CSMD1: variants seen among roughly 807,000 people sequenced by gnomAD.
CSMD1 encodes CUB and sushi domain-containing protein 1.
A neutral mutation model predicts 417.5 loss-of-function variants in CSMD1; 213 were observed. The observed-to-expected ratio is 0.51, with a 90% CI of 0.46 to 0.57. The LOEUF is 0.57. Among genes scored for constraint, CSMD1 ranks in the 20% least tolerant of loss-of-function variants. The pLI is 0.00. For synonymous variants in CSMD1, 2,862 were observed against 1,736.8 expected (o/e 1.65, Z -16.11); for missense variants, 6,923 against 4,529.7 (o/e 1.53, Z -15.17).
chr8:3,264,919 A>G (rs1038040916), intron 26 of CSMD1, among the ~76,000 whole-genome samples: 4 of 152,118 alleles, frequency 2.6e-5, no homozygotes, highest in African/African-American at 9.7e-5. Context: ...CAGAATTGCT[A>G]ACATCGGTAT....
intron 3 of CSMD1, among the ~76,000 whole-genome samples, chr8:4,409,834 G>T (rs547793226): frequency 6.6e-6 from 1 of 152,152 alleles, no homozygotes; most frequent in African/African-American, 2.4e-5. Flanking sequence ...TTGTCTTTGA[G>T]ACAGAGTCTC....
intron 7 of CSMD1, among the ~76,000 whole-genome samples, chr8:3,644,343 G>C (rs1797466386): frequency 1.3e-5 from 2 of 152,184 alleles, no homozygotes; most frequent in African/African-American, 4.8e-5. Context: ...AAATGGCCTT[G>C]TGTCATGTCT....
Position 3,387,562 on chromosome 8 carries a change from A to G in CSMD1, c.2714T>C (p.Leu905Pro), listed in dbSNP as rs1369559584. The change falls in exon 18 of 70, where the codon CTA becomes CCA. Residue 905 changes from leucine (L) to proline (P), a missense_variant. Coordinates refer to ENST00000635120, the MANE Select transcript of CSMD1 (RefSeq NM_033225.6). ...VTFSCDPGYTLSDDEPLVCER... is the reference protein window; with the variant it reads ...VTFSCDPGYTPSDDEPLVCER... ...ACAGACGAGGGGCTCGTCGTCACTT[A>G]GTGTGTACCCCGGGTCACAGCTGAA... 1 of 1,602,416 alleles carries G rather than the reference A, an allele frequency of 6.2e-7. No individual in the cohort carries two copies. The highest frequency in any genetic ancestry group is 8.5e-7 in the Non-Finnish European group (1 of 1,174,474).
chr8:4,252,162 A>C (rs369834999), intron 3 of CSMD1, among the ~76,000 whole-genome samples: 1 of 152,158 alleles, frequency 6.6e-6, no homozygotes, highest in South Asian at 2.1e-4. Flanking sequence ...TTCAGGATAT[A>C]TAGAAAGCTG....
rs1254278472 is a variant in CSMD1, at chr8:3,251,284, C to G, written c.4154-21053G>C. Among the ~76,000 whole-genome samples, 4 of 152,174 alleles carry G rather than the reference C, an allele frequency of 2.6e-5. No individual in the cohort carries two copies. The East Asian group carries it at 7.7e-4, about 29-fold the overall frequency. On this transcript the variant is annotated intron_variant, in intron 26 of 69. Coordinates refer to ENST00000635120, the MANE Select transcript of CSMD1 (RefSeq NM_033225.6). ...TCCAGTTTCAGCTTTCTACATATGGCTAGCCAGTTTTCCCAGCACCATTTA... is the reference window on the plus strand; with the variant it reads ...TCCAGTTTCAGCTTTCTACATATGGGTAGCCAGTTTTCCCAGCACCATTTA...
At chr8:4,960,323 A>C (rs1809393754) in intron 1 of CSMD1, among the ~76,000 whole-genome samples, 1 of 152,204 alleles carries the variant, frequency 6.6e-6, no homozygotes, top group South Asian at 2.1e-4. Flanking sequence ...AAGTGTGTTT[A>C]ATGTTCTGAC....
At chr8:3,473,010 C>T (rs543891389) in intron 11 of CSMD1, among the ~76,000 whole-genome samples, 3 of 152,104 alleles carry the variant, frequency 2.0e-5, no homozygotes, top group African/African-American at 7.2e-5. Context: ...GCTCCTAACT[C>T]TGTCTCCTGG....
chr8:3,419,663 A>G (rs888844293), intron 12 of CSMD1, among the ~76,000 whole-genome samples: 2 of 152,220 alleles, frequency 1.3e-5, no homozygotes, highest in Admixed American at 1.3e-4. Flanking sequence ...TAGGAAAAAA[A>G]AAGTGGAGAA....
intron 7 of CSMD1, among the ~76,000 whole-genome samples, chr8:3,640,151 G>C (rs187165991): frequency 1.3e-5 from 2 of 152,104 alleles, no homozygotes; most frequent in Non-Finnish European, 2.9e-5. Context: ...GTAAGACTTC[G>C]CTCTGAGAAA....
intron 2 of CSMD1, among the ~76,000 whole-genome samples, chr8:4,529,406 G>T (rs545861983): frequency 3.3e-5 from 5 of 151,844 alleles, no homozygotes; most frequent in Non-Finnish European, 2.9e-5. Context: ...TGGCTAAATT[G>T]TTTTCTTCTG....
intron 3 of CSMD1, among the ~76,000 whole-genome samples, chr8:4,148,602 G>T (rs1796403556): frequency 6.6e-6 from 1 of 152,132 alleles, no homozygotes; most frequent in Non-Finnish European, 1.5e-5. Context: ...GGTCTGGTGA[G>T]AGCCTTGTGT....
intron 51 of CSMD1, among the ~76,000 whole-genome samples, chr8:3,024,782 A>C (rs1261930667): frequency 6.6e-6 from 1 of 152,232 alleles, no homozygotes; most frequent in Admixed American, 6.5e-5. Flanking sequence ...CCAAGTAAAT[A>C]AAATCAAGAA....
At chr8:3,483,007 A>ATCT (rs1817831303) in intron 11 of CSMD1, among the ~76,000 whole-genome samples, 24 of 152,272 alleles carry the variant, frequency 1.6e-4, no homozygotes, top group Admixed American at 1.3e-3. Context: ...TTATAACAGT[A>ATCT]AATGACTACA....
intron 23 of CSMD1, among the ~76,000 whole-genome samples, 198 bp from the exon 24 acceptor site, chr8:3,308,701 G>A (rs755894076): frequency 4.8e-5 from 7 of 145,778 alleles, no homozygotes; most frequent in South Asian, 2.2e-4. Flanking sequence ...CTTGAAGTTC[G>A]GTCATCTTAT....
rs1217261892 is a variant in CSMD1 at position 4,258,837 on chromosome 8, A to G, written c.415+161116T>C. Among the ~76,000 whole-genome samples, 4 of 152,098 alleles carry G rather than the reference A, an allele frequency of 2.6e-5. No individual in the cohort carries two copies. In the East Asian group the frequency reaches 7.8e-4, roughly 30 times the overall value. The stretch of plus-strand genomic sequence containing the variant: ...CAGCAGCAGAAAGATCAGGAGCCCC[A>G]CTCCTCATGGACAACGGCTGCAAAA... On this transcript the variant is annotated intron_variant, in intron 3 of 69. Transcript: ENST00000635120.
chr8:3,269,049 T>G (rs962835135), intron 26 of CSMD1, among the ~76,000 whole-genome samples: 1 of 152,226 alleles, frequency 6.6e-6, no homozygotes, highest in Admixed American at 6.5e-5. Flanking sequence ...TCAATCTCGC[T>G]AATGTTAGAG....
At chr8:3,241,064 G>C (rs1799470448) in intron 26 of CSMD1, among the ~76,000 whole-genome samples, 2 of 148,886 alleles carry the variant, frequency 1.3e-5, no homozygotes, top group East Asian at 3.9e-4. Flanking sequence ...TGTGGGTTAA[G>C]GTGAGGGGAT....
intron 3 of CSMD1, among the ~76,000 whole-genome samples, chr8:4,124,424 G>A (rs145470397): frequency 6.6e-6 from 1 of 151,788 alleles, no homozygotes; most frequent in Non-Finnish European, 1.5e-5. Context: ...TTTCCCTTTA[G>A]TGTAGAAGGG....
At chr8:4,612,294 A>T (rs147336831) in intron 2 of CSMD1, among the ~76,000 whole-genome samples, 1 of 152,344 alleles carries the variant, frequency 6.6e-6, no homozygotes, top group African/African-American at 2.4e-5. Flanking sequence ...AAACTTCAAA[A>T]ATACCTTGTT....
Sources: gnomAD v4.1 joint callset for allele counts (sites outside exome capture counted in the v4.1 genomes callset) on GRCh38, gnomAD v4.1.1 for gene constraint, MANE v1.5 for transcripts, NCBI Gene and HGNC (gene_info 2026-07-23, HGNC 2026-07-21) for gene names.